KRT86: variants seen among roughly 807,000 people sequenced by gnomAD.
KRT86 encodes the protein keratin, type II cuticular Hb6.
KRT86 carries 30 observed loss-of-function variants against 41.2 expected under a neutral mutation model. That is an observed-to-expected ratio of 0.73 (90% CI 0.54 to 0.99). The LOEUF is 0.99. Ranked by LOEUF, KRT86 falls within the 50% of genes least tolerant of loss-of-function variation. KRT86 has a pLI of 0.00. For missense variants in KRT86, 561 were observed against 571.4 expected (o/e 0.98, Z 0.19); for synonymous variants, 238 against 238.1 (o/e 1.00, Z 0.00).
Position 52,305,026 on chromosome 12 carries a change from A to G in KRT86, c.734A>G (p.Glu245Gly). 6.2e-7 allele frequency: 1 copy of G among 1,613,832 alleles called. No individual in the cohort carries two copies. The highest frequency in any genetic ancestry group is 8.5e-7 in the Non-Finnish European group (1 of 1,179,912). ...GACTTCCTGAGGCGGCTGTATGAGG[A>G]GGTGCGGGCTCAGGGGCCAGGCAGA... is the stretch of plus-strand genomic sequence containing the variant. The part of the protein sequence containing the change: ...EIDFLRRLYE[E>G]EIRVLQSHIS... The change falls in exon 6 of 11, where the codon GAG becomes GGG. Residue 245 changes from glutamate to glycine, a missense_variant and splice_region_variant. Glu to Gly is a moderately conservative substitution (Grantham distance 98). Around this residue, in one of 3 missense-constraint regions of KRT86, gnomAD observed 397 missense variants for 375.9 expected, o/e 1.06. Coordinates refer to ENST00000423955, the MANE Select transcript of KRT86 (RefSeq NM_001320198.2).
intron 2 of KRT86, among the ~76,000 whole-genome samples, chr12:52,297,716 G>C (rs1484858981): frequency 6.6e-6 from 1 of 152,218 alleles, no homozygotes; most frequent in Admixed American, 6.5e-5. Flanking sequence ...AGAATAAGAA[G>C]TGTCTTTCTT....
At chr12:52,288,005 G>C (rs1407705027) in intron 2 of KRT86, 1 of 1,614,070 alleles carries the variant, frequency 6.2e-7, no homozygotes. Context: ...ACCAGGACTC[G>C]GCCTCGGCCC....
chr12:52,291,614 G>A, intron 2 of KRT86: 2 of 1,272,760 alleles, frequency 1.6e-6, no homozygotes, highest in Non-Finnish European at 2.2e-6. Flanking sequence ...GGGGCAATTT[G>A]CGCTTTATGG....
chr12:52,301,784 CGTG>C, intron 2 of KRT86, 126 bp from the exon 3 acceptor site: 3 of 1,590,542 alleles, frequency 1.9e-6, no homozygotes, highest in Non-Finnish European at 2.6e-6. Flanking sequence ...CTCCGACCCA[CGTG>C]GTCACAGTCT....
At chr12:52,286,456 G>T in intron 2 of KRT86, 8 of 1,552,762 alleles carry the variant, frequency 5.2e-6, no homozygotes, top group Non-Finnish European at 7.0e-6. Flanking sequence ...ACACGCAGAG[G>T]TCCCCGCACA....
At chr12:52,293,248 A>G (rs1450798376) in intron 2 of KRT86, among the ~76,000 whole-genome samples, 2 of 152,194 alleles carry the variant, frequency 1.3e-5, no homozygotes, top group South Asian at 2.1e-4. Flanking sequence ...TATATCGTAA[A>G]TGATCTCTAA....
At chr12:52,288,622 G>A (rs1301476727) in intron 2 of KRT86, among the ~76,000 whole-genome samples, 1 of 152,030 alleles carries the variant, frequency 6.6e-6, no homozygotes, top group Non-Finnish European at 1.5e-5. Flanking sequence ...GGCATCCTCT[G>A]TCCCTCTGAT....
At chr12:52,284,273 G>C (rs1388919488) in intron 2 of KRT86, among the ~76,000 whole-genome samples, 2 of 152,154 alleles carry the variant, frequency 1.3e-5, no homozygotes, top group Admixed American at 6.5e-5. Context: ...TCACTGTGCG[G>C]CTTCAACTTC....
intron 9 of KRT86, among the ~76,000 whole-genome samples, chr12:52,307,783 C>A (rs532240849): frequency 6.6e-6 from 1 of 152,362 alleles, no homozygotes; most frequent in Non-Finnish European, 1.5e-5. Context: ...TGCCTATAAT[C>A]TAATGACACC....
intron 2 of KRT86, among the ~76,000 whole-genome samples, chr12:52,296,112 G>C (rs150612088): frequency 1.4e-4 from 21 of 152,216 alleles, no homozygotes; most frequent in African/African-American, 4.6e-4. Context: ...AATCAGAGGA[G>C]ATTTCTAGGA....
chr12:52,308,355 C>T, intron 10 of KRT86, 49 bp from the exon 11 acceptor site: 1 of 1,612,132 alleles, frequency 6.2e-7, no homozygotes. Context: ...AGCCACTCAC[C>T]CAGGTCGCGG....
intron 1 of KRT86, among the ~76,000 whole-genome samples, chr12:52,275,530 T>G (rs1353281760): frequency 1.3e-5 from 2 of 152,240 alleles, no homozygotes; most frequent in African/African-American, 4.8e-5. Flanking sequence ...ATAAACCCTA[T>G]GTGATCTTGG....
intron 2 of KRT86, chr12:52,286,045 C>T (rs1005913345): frequency 1.0e-5 from 6 of 594,088 alleles, no homozygotes; most frequent in African/African-American, 3.7e-5. Flanking sequence ...TGGGTGCCAG[C>T]GGACTTCTTT....
chr12:52,286,996 A>T, intron 2 of KRT86: 1 of 1,595,876 alleles, frequency 6.3e-7, no homozygotes, highest in Non-Finnish European at 8.6e-7. Context: ...GTGAATAATA[A>T]TATTTTTTTC....
At position 52,305,422 on chromosome 12, in the gene KRT86, C is replaced by T; in HGVS notation, c.900+18C>T. The T allele has an allele frequency of 6.2e-7, 1 of 1,614,190 alleles. No homozygotes were observed. The highest frequency in any genetic ancestry group is 8.5e-7 in the Non-Finnish European group (1 of 1,180,036). On this transcript the variant is annotated intron_variant, in intron 7 of 10. Coordinates refer to ENST00000423955, the MANE Select transcript of KRT86 (RefSeq NM_001320198.2). ...GCAGCAAGGTGAGTGGCACAGGACA[C>T]CTGCCTGCTAGACATGGCAGTGGGA...
chr12:52,304,561 G>A (rs1333321867), intron 5 of KRT86, among the ~76,000 whole-genome samples: 1 of 151,924 alleles, frequency 6.6e-6, no homozygotes, highest in African/African-American at 2.4e-5. Flanking sequence ...GTTCTAAGGG[G>A]GGATGGAGAA....
chr12:52,296,946 T>C (rs139998940), intron 2 of KRT86, among the ~76,000 whole-genome samples: 1 of 152,350 alleles, frequency 6.6e-6, no homozygotes, highest in Non-Finnish European at 1.5e-5. Context: ...GGGACGACAC[T>C]GTCCCTGCTT....
At position 52,305,021 on chromosome 12, in the gene KRT86, T is replaced by G; in HGVS notation, c.729T>G (p.Tyr243Ter). Residue 243 changes from tyrosine (Y) to a stop codon, truncating the protein, a stop_gained, in exon 6 of 11, where the codon TAT becomes TAG. Coordinates refer to ENST00000423955, the MANE Select transcript of KRT86 (RefSeq NM_001320198.2). LOFTEE classifies it high-confidence loss of function. ...AGATCGACTTCCTGAGGCGGCTGTA[T>G]GAGGAGGTGCGGGCTCAGGGGCCAG... The part of the protein sequence containing the change: ...IQEIDFLRRL[Y>*]EEEIRVLQSH... 1 of 1,613,740 alleles carries G rather than the reference T, an allele frequency of 6.2e-7. No individual in the cohort carries two copies. Among genetic ancestry groups the G allele is most frequent in the Non-Finnish European group, 8.5e-7 (1 of 1,179,882 alleles).
intron 2 of KRT86, among the ~76,000 whole-genome samples, chr12:52,284,216 G>A (rs1292300705): frequency 1.3e-5 from 2 of 152,118 alleles, no homozygotes; most frequent in African/African-American, 4.8e-5. Context: ...TTTTGAAACA[G>A]GGTCTTGCTG....
Sources: allele counts gnomAD v4.1 joint callset (sites outside exome capture counted in the v4.1 genomes callset), GRCh38; gene constraint gnomAD v4.1.1; regional missense constraint gnomAD v4.1.1; transcripts MANE v1.5; gene names NCBI Gene and HGNC (gene_info 2026-07-23, HGNC 2026-07-21).